Variants in DPP6 observed in about 807,000 individuals in gnomAD.
DPP6 encodes A-type potassium channel modulatory protein DPP6.
Under a neutral mutation model 122.6 loss-of-function variants are expected in DPP6, and 69 were observed. That is an observed-to-expected ratio of 0.56 (90% CI 0.46 to 0.69). The LOEUF is 0.69. DPP6 is among the 30% of genes least tolerant of loss of function. The pLI is 0.00. For missense variants in DPP6, 928 were observed against 1,116.9 expected (o/e 0.83, Z 2.41); for synonymous variants, 418 against 433.1 (o/e 0.97, Z 0.43).
At chr7:154,369,819 C>T (rs907637090) in intron 1 of DPP6, among the ~76,000 whole-genome samples, 4 of 152,186 alleles carry the variant, frequency 2.6e-5, no homozygotes, top group African/African-American at 4.8e-5. Context: ...CACCTTCTGG[C>T]CTGACTTTTC....
chr7:153,773,106 C>T, the DPP6 span, among the ~76,000 whole-genome samples: 5 of 147,476 alleles, frequency 3.4e-5, no homozygotes, highest in Non-Finnish European at 7.5e-5. Flanking sequence ...TAATGATAAA[C>T]GAGGAATTTC....
chr7:154,739,103 G>A (rs915489564), intron 8 of DPP6, among the ~76,000 whole-genome samples: 1 of 152,132 alleles, frequency 6.6e-6, no homozygotes, highest in African/African-American at 2.4e-5. Context: ...ACAAGCTGGG[G>A]AATAAATGCT....
At chr7:153,888,545 C>A (rs1442725769) in intron 1 of DPP6, among the ~76,000 whole-genome samples, 2 of 152,206 alleles carry the variant, frequency 1.3e-5, no homozygotes, top group Non-Finnish European at 2.9e-5. Context: ...GGGCACGGGG[C>A]CGAGGGGTCA....
chr7:154,664,432 TTAAG>T (rs1286826856), intron 6 of DPP6, among the ~76,000 whole-genome samples: 3 of 152,242 alleles, frequency 2.0e-5, no homozygotes, highest in Non-Finnish European at 2.9e-5. Context: ...AATTTCAATA[TTAAG>T]TAAGGCAATG....
At chr7:154,464,705 G>T (rs1441060398) in intron 2 of DPP6, among the ~76,000 whole-genome samples, 1 of 152,106 alleles carries the variant, frequency 6.6e-6, no homozygotes, top group Non-Finnish European at 1.5e-5. Flanking sequence ...TATTGATATT[G>T]GGACCATGAC....
the DPP6 span, among the ~76,000 whole-genome samples, chr7:153,752,253 C>CTT: frequency 1.7e-3 from 234 of 138,400 alleles, no homozygotes; most frequent in African/African-American, 5.9e-3. Flanking sequence ...ACCACAGCCT[C>CTT]TTTTTTTTTT....
chr7:154,007,824 C>CCT (rs1407207748), intron 1 of DPP6, among the ~76,000 whole-genome samples: 2 of 152,076 alleles, frequency 1.3e-5, no homozygotes, highest in Non-Finnish European at 2.9e-5. Context: ...CTCCTGTGGT[C>CCT]ACACACCTCG....
chr7:154,149,840 C>T (rs1452266607), intron 1 of DPP6, among the ~76,000 whole-genome samples: 1 of 151,990 alleles, frequency 6.6e-6, no homozygotes, highest in Non-Finnish European at 1.5e-5. Flanking sequence ...CACCGTGGTA[C>T]CCCCCGCTCC....
At chr7:154,879,442 T>C (rs1419491810) in intron 20 of DPP6, among the ~76,000 whole-genome samples, 1 of 132,060 alleles carries the variant, frequency 7.6e-6, no homozygotes, top group Non-Finnish European at 1.5e-5. Context: ...TACAAAAAAT[T>C]AGCCGGGCGA....
chr7:154,306,806 G>T (rs1806388245), intron 1 of DPP6, among the ~76,000 whole-genome samples: 2 of 152,200 alleles, frequency 1.3e-5, no homozygotes, highest in Non-Finnish European at 2.9e-5. Flanking sequence ...GTGTGACAGT[G>T]TGCATAAGGA....
intron 1 of DPP6, among the ~76,000 whole-genome samples, chr7:154,018,393 AT>A (rs1798534357): frequency 6.6e-6 from 1 of 152,026 alleles, no homozygotes; most frequent in African/African-American, 2.4e-5. Context: ...ACCGGAGACC[AT>A]TTTTTGCCCA....
At chr7:153,975,155 A>G (rs1796229686) in intron 1 of DPP6, among the ~76,000 whole-genome samples, 1 of 152,164 alleles carries the variant, frequency 6.6e-6, no homozygotes, top group Admixed American at 6.5e-5. Context: ...TAAATTTGCT[A>G]GGACTGGGGA....
Position 154,877,311 on chromosome 7 carries a change from G to A in DPP6, c.2078+1211G>A, listed in dbSNP as rs1466908501. Among the ~76,000 whole-genome samples, 4 of 152,074 alleles carry A rather than the reference G, an allele frequency of 2.6e-5. No homozygotes were observed. Among genetic ancestry groups the A allele is most frequent in the East Asian group, 1.9e-4 (1 of 5,174 alleles). On this transcript the variant is annotated intron_variant, in intron 20 of 25. Coordinates refer to ENST00000377770, the MANE Select transcript of DPP6 (RefSeq NM_130797.4). This position sits in a 1 kb window ranked among gnomAD's most constrained non-coding sequence, Gnocchi z 5.2. The stretch of plus-strand genomic sequence containing the variant: ...GTGTTGCAGCTGGGAAATACGGAGC[G>A]GGAGAGCTCTCAGGACTCAGATACT...
At chr7:154,085,480 C>A (rs1412494967) in intron 1 of DPP6, among the ~76,000 whole-genome samples, 2 of 152,134 alleles carry the variant, frequency 1.3e-5, no homozygotes, top group African/African-American at 4.8e-5. Context: ...CTATTATTTT[C>A]AGAAAATATG....
At chr7:153,812,458 C>T in the DPP6 span, among the ~76,000 whole-genome samples, 1 of 152,048 alleles carries the variant, frequency 6.6e-6, no homozygotes, top group South Asian at 2.1e-4. Flanking sequence ...TGAAGACTCT[C>T]CGAACCCAGT....
chr7:154,585,204 T>G (rs890527799), intron 5 of DPP6, among the ~76,000 whole-genome samples: 10 of 152,218 alleles, frequency 6.6e-5, no homozygotes, highest in Non-Finnish European at 1.3e-4. Flanking sequence ...GGAGAAAACT[T>G]TAGGCCTCTA....
intron 5 of DPP6, among the ~76,000 whole-genome samples, chr7:154,613,842 T>C (rs1834063641): frequency 6.6e-6 from 1 of 152,214 alleles, no homozygotes; most frequent in African/African-American, 2.4e-5. Flanking sequence ...CGTCCTACCT[T>C]CATTCTAGAA....
At chr7:154,029,938 G>A (rs1799145924) in intron 1 of DPP6, among the ~76,000 whole-genome samples, 1 of 152,184 alleles carries the variant, frequency 6.6e-6, no homozygotes, top group Non-Finnish European at 1.5e-5. Flanking sequence ...GCTCACGCCT[G>A]TAATCCCAGC....
chr7:154,813,981 A>G (rs1799251797), intron 16 of DPP6, among the ~76,000 whole-genome samples: 1 of 147,310 alleles, frequency 6.8e-6, no homozygotes, highest in East Asian at 2.0e-4. Context: ...CCCAGGTTCA[A>G]GCAATTCTCC....
Sources: allele counts gnomAD v4.1 joint callset (sites outside exome capture counted in the v4.1 genomes callset), GRCh38; gene constraint gnomAD v4.1.1; non-coding constraint Gnocchi (gnomAD v3.1); transcripts MANE v1.5; gene names NCBI Gene and HGNC (gene_info 2026-07-23, HGNC 2026-07-21).